ST3GAL6: variants seen among roughly 807,000 people sequenced by gnomAD.
ST3GAL6 encodes the protein type 2 lactosamine alpha-2,3-sialyltransferase.
A neutral mutation model predicts 40.5 loss-of-function variants in ST3GAL6; 31 were observed. The observed-to-expected ratio is 0.77, with a 90% CI of 0.58 to 1.03. ST3GAL6 has a LOEUF of 1.03. ST3GAL6 is among the 50% of genes least tolerant of loss of function. The pLI is 0.00. For missense variants in ST3GAL6, 357 were observed against 393.2 expected, an observed-to-expected ratio of 0.91 and a Z score of 0.78; for synonymous variants, 129 against 136.9, an observed-to-expected ratio of 0.94 and a Z score of 0.40.
chr3:98,793,843 AC>A lies in ST3GAL6; in HGVS notation c.*83del. 1.2e-6 allele frequency: 1 copy of A among 800,354 alleles called. No individual in the cohort carries two copies. Among genetic ancestry groups the A allele is most frequent in the Non-Finnish European group, 1.9e-6 (1 of 512,836 alleles). 49.6% of individuals were successfully genotyped at this position (800,354 alleles called of 1,614,324 possible). On this transcript the variant is annotated 3_prime_UTR_variant, in exon 10 of 10. Transcript: ENST00000483910. ...TTTTAGTTTAAAATATGTTGGATGC[AC>A]TCGTCAAATAATTATGTATACTGTC...
intron 1 of ST3GAL6, among the ~76,000 whole-genome samples, chr3:98,743,761 A>G (rs1378973793): frequency 1.3e-5 from 2 of 152,136 alleles, no homozygotes; most frequent in Non-Finnish European, 2.9e-5. Flanking sequence ...TTTTGCCACC[A>G]TAGATTAATT....
chr3:98,792,137 A>AG, intron 9 of ST3GAL6, 144 bp downstream of exon 9: 1 of 696,100 alleles, frequency 1.4e-6, no homozygotes, highest in Non-Finnish European at 2.1e-6. Context: ...TTACAGGGCT[A>AG]CCAAGGGCTG....
chr3:98,766,701 A>C (rs1938391952), intron 1 of ST3GAL6, among the ~76,000 whole-genome samples: 1 of 152,160 alleles, frequency 6.6e-6, no homozygotes, highest in Admixed American at 6.5e-5. Flanking sequence ...GATTACAGGC[A>C]TGAGCCACTG....
At chr3:98,736,720 G>A (rs551851925) in intron 1 of ST3GAL6, among the ~76,000 whole-genome samples, 8 of 152,306 alleles carry the variant, frequency 5.3e-5, no homozygotes, top group East Asian at 1.9e-4. Context: ...GGTTGGGAGC[G>A]TGCCGTGTTG....
At position 98,771,262 on chromosome 3, in the gene ST3GAL6, C is replaced by T. The variant is rs1938959113; in HGVS notation, c.167+306C>T. The T allele has an allele frequency of 6.2e-6, 5 of 806,214 alleles. No homozygotes were observed. In the South Asian group the frequency reaches 6.6e-5, roughly 11 times the overall value. The allele number at this position is 806,214 out of a possible 1,614,324, so 49.9% of individuals were successfully genotyped here. On this transcript the variant is annotated intron_variant, in intron 3 of 9. Coordinates refer to ENST00000483910, the MANE Select transcript of ST3GAL6 (RefSeq NM_001323368.2). ...TGTTCTTTAGGGTTTTATTTTTCCC[C>T]CTTGTTGCTCTCATGTTATTTTCCA...
exon 1 of ST3GAL6, chr3:98,732,351 T>C (rs974444795): frequency 6.5e-6 from 1 of 152,792 alleles, no homozygotes; most frequent in African/African-American, 2.4e-5. Flanking sequence ...CCCCTCACTT[T>C]AGCTCCTGCA....
At chr3:98,782,176 G>A in intron 5 of ST3GAL6, 1 of 679,650 alleles carries the variant, frequency 1.5e-6, no homozygotes, top group Non-Finnish European at 2.6e-6. Context: ...GCTTGTAAAA[G>A]CATCTAGAGT....
At chr3:98,779,635 T>C (rs1048230985) in intron 5 of ST3GAL6, among the ~76,000 whole-genome samples, 4 of 152,242 alleles carry the variant, frequency 2.6e-5, no homozygotes, top group Non-Finnish European at 5.9e-5. Flanking sequence ...AGCTTTTGCC[T>C]GACTTTATGA....
At chr3:98,764,313 T>TA (rs936698057) in intron 1 of ST3GAL6, among the ~76,000 whole-genome samples, 7 of 151,328 alleles carry the variant, frequency 4.6e-5, no homozygotes, top group Admixed American at 6.6e-5. Context: ...TAGGGGAGTC[T>TA]AAAAAAAAAC....
upstream of ST3GAL6, among the ~76,000 whole-genome samples, chr3:98,759,827 G>A (rs1011601745): frequency 1.3e-5 from 2 of 152,146 alleles, no homozygotes; most frequent in East Asian, 1.9e-4. Flanking sequence ...GCAAGATAAG[G>A]TGTGTGTCCT....
At chr3:98,752,410 G>T (rs1185609317) in intron 1 of ST3GAL6, among the ~76,000 whole-genome samples, 3 of 151,574 alleles carry the variant, frequency 2.0e-5, no homozygotes, top group African/African-American at 7.3e-5. Context: ...CTGTTATGGT[G>T]ATCTATGATC....
At position 98,793,769 on chromosome 3, in the gene ST3GAL6, G is replaced by T; in HGVS notation, c.*8G>T. The T allele has an allele frequency of 6.5e-7, 1 of 1,549,536 alleles. No homozygotes were observed. ...AACTTGACTCAAGATTGACTCTACA[G>T]ACTCAGAAGATGATGCTAACAGTGT... On this transcript the variant is annotated 3_prime_UTR_variant, in exon 10 of 10. Coordinates refer to ENST00000483910, the MANE Select transcript of ST3GAL6 (RefSeq NM_001323368.2).
chr3:98,738,266 A>G (rs553771521), intron 1 of ST3GAL6, among the ~76,000 whole-genome samples: 3 of 151,606 alleles, frequency 2.0e-5, no homozygotes, highest in Non-Finnish European at 4.4e-5. Context: ...ACCTAGTCTC[A>G]GGTATTTCTT....
intron 1 of ST3GAL6, chr3:98,756,580 A>C: frequency 8.3e-7 from 1 of 1,199,324 alleles, no homozygotes; most frequent in Middle Eastern, 3.1e-4. Flanking sequence ...AAATTGCTTA[A>C]ATGTAAACTT....
chr3:98,783,430 G>A, intron 5 of ST3GAL6: 1 of 414,718 alleles, frequency 2.4e-6, no homozygotes, highest in Non-Finnish European at 3.2e-6. Flanking sequence ...TTTTTGTTCA[G>A]TGTCCCCTTG....
At chr3:98,735,278 C>T (rs566087575) in intron 1 of ST3GAL6, among the ~76,000 whole-genome samples, 6 of 152,334 alleles carry the variant, frequency 3.9e-5, no homozygotes, top group African/African-American at 1.4e-4. Flanking sequence ...CTGCAGTATA[C>T]ATTCTGCACA....
At position 98,793,655 on chromosome 3, in the gene ST3GAL6, A is replaced by G; in HGVS notation, c.910-20A>G. On this transcript the variant is annotated intron_variant, in intron 9 of 9. Coordinates refer to ENST00000483910, the MANE Select transcript of ST3GAL6 (RefSeq NM_001323368.2). ...TTGAGATTGGGAAAGAATGATGGTA[A>G]TTGTATTTTTCTTCTTTAGAACGCG... is the stretch of plus-strand genomic sequence containing the variant. 1 of 1,505,878 alleles carries G rather than the reference A, an allele frequency of 6.6e-7. No individual in the cohort carries two copies. The highest frequency in any genetic ancestry group is 9.0e-7 in the Non-Finnish European group (1 of 1,105,204). 93.3% of individuals were successfully genotyped at this position (1,505,878 alleles called of 1,614,324 possible).
chr3:98,766,237 C>T (rs915025397), intron 1 of ST3GAL6, among the ~76,000 whole-genome samples: 1 of 152,124 alleles, frequency 6.6e-6, no homozygotes, highest in African/African-American at 2.4e-5. Flanking sequence ...TAGAATAATA[C>T]ATAAATTGCC....
chr3:98,746,337 G>C (rs1471885665), intron 1 of ST3GAL6, among the ~76,000 whole-genome samples: 1 of 152,140 alleles, frequency 6.6e-6, no homozygotes, highest in South Asian at 2.1e-4. Flanking sequence ...GGTTGTGAAA[G>C]TGAGGCCAAA....
Sources: allele counts gnomAD v4.1 joint callset (sites outside exome capture counted in the v4.1 genomes callset), GRCh38; gene constraint gnomAD v4.1.1; transcripts MANE v1.5; gene names NCBI Gene and HGNC (gene_info 2026-07-23, HGNC 2026-07-21).